LHB: variants seen among roughly 807,000 people sequenced by gnomAD.
LHB encodes lutropin subunit beta.
LHB carries 11 observed loss-of-function variants against 10.6 expected under a neutral mutation model. The ratio of observed to expected loss-of-function variants is 1.04; its 90% CI spans 0.66 to 1.72. The LOEUF is 1.72. LHB is among the 40% of genes most tolerant of loss of function. LHB has a pLI of 0.00. For missense variants in LHB, 184 were observed against 197.3 expected (o/e 0.93, Z 0.41); for synonymous variants, 86 against 83.1 (o/e 1.03, Z -0.19).
chr19:49,017,367 A>AACT (rs2039575034), upstream of LHB: 2 of 1,051,978 alleles, frequency 1.9e-6, no homozygotes, highest in African/African-American at 3.2e-5. Flanking sequence ...CACAGGGAGT[A>AACT]GGGTGTAGGA....
At position 49,016,848 on chromosome 19, in the gene LHB, G is replaced by A. The variant is rs188474494; in HGVS notation, c.16-134C>T. 294 of 1,570,646 alleles carry A rather than the reference G, an allele frequency of 1.9e-4. No individual in the cohort carries two copies. In the African/African-American group the frequency reaches 2.7e-3, roughly 14 times the overall value. The stretch of plus-strand genomic sequence containing the variant: ...ATCTCCTATTCAGGACCCACCACCC[G>A]GACACCTGCCTTTCAGAGCCCACCC... On this transcript the variant is annotated intron_variant, in intron 1 of 2. Transcript: ENST00000649238.
upstream of LHB, chr19:49,017,918 C>A: frequency 2.5e-6 from 1 of 398,346 alleles, no homozygotes; most frequent in South Asian, 1.3e-4. Flanking sequence ...GAGCTCCGCT[C>A]GGCAGCGCGG....
upstream of LHB, chr19:49,019,405 G>C (rs2122686220): frequency 8.0e-7 from 1 of 1,257,072 alleles, no homozygotes; most frequent in Admixed American, 3.9e-5. Context: ...GAATATTCTA[G>C]TCTCCTCCCC....
At chr19:49,019,286 C>T, upstream of LHB, 1 of 1,219,182 alleles carries the variant, frequency 8.2e-7, no homozygotes, top group Non-Finnish European at 1.0e-6. Flanking sequence ...AAACAACCTC[C>T]CTGGTTCCGC....
chr19:49,017,027 G>A (rs776816050), intron 1 of LHB, 40 bp downstream of exon 1: 2 of 1,613,340 alleles, frequency 1.2e-6, no homozygotes, highest in East Asian at 2.2e-5. Flanking sequence ...GTGATGGCCT[G>A]GAAGGAGGTG....
At chr19:49,018,959 C>T (rs1024628074), upstream of LHB, 6 of 1,534,124 alleles carry the variant, frequency 3.9e-6, no homozygotes, top group Middle Eastern at 2.1e-4. Flanking sequence ...CTGTGAAAGG[C>T]CGGCCAGACA....
upstream of LHB, chr19:49,018,248 G>A: frequency 2.3e-6 from 2 of 874,116 alleles, no homozygotes; most frequent in Non-Finnish European, 3.0e-6. Context: ...CGGACAGGGC[G>A]GCCGCTGCGG....
At chr19:49,016,347 T>A in intron 2 of LHB, 37 bp from the exon 3 acceptor site, 2 of 1,606,978 alleles carry the variant, frequency 1.2e-6, no homozygotes, top group Non-Finnish European at 1.7e-6. Flanking sequence ...AGCATGTGCC[T>A]GAGGCCAGCG....
At chr19:49,016,507 CT>C (rs1427591686) in intron 2 of LHB, 39 bp downstream of exon 2, 3 of 1,588,776 alleles carry the variant, frequency 1.9e-6, no homozygotes, top group Non-Finnish European at 1.7e-6. Context: ...GGGTCTGGCC[CT>C]GAGGTGGCAG....
chr19:49,017,766 G>A (rs1466632742), upstream of LHB: 1 of 410,240 alleles, frequency 2.4e-6, no homozygotes, highest in African/African-American at 2.0e-5. Context: ...CAGCCTGCAA[G>A]GACATTATCT....
At position 49,016,015 on chromosome 19, in the gene LHB, G is replaced by A; in HGVS notation, c.*53C>T. ...GAAGCCTTTATTGTGGGAGGATCGG[G>A]GTGTCAGGGCTCCAGGAGTCGGGAT... On this transcript the variant is annotated 3_prime_UTR_variant, in exon 3 of 3. Transcript: ENST00000649238. The A allele has an allele frequency of 3.1e-6, 5 of 1,614,106 alleles. No individual in the cohort carries two copies. The highest frequency in any genetic ancestry group is 1.7e-4 in the Middle Eastern group (1 of 5,982).
rs376247713 is a variant in LHB at position 49,016,700 on chromosome 19, C to T, written c.30G>A (p.Leu10=). Residue 10 remains leucine, a synonymous_variant, in exon 2 of 3, where the codon TTG becomes TTA. Coordinates refer to ENST00000649238, the MANE Select transcript of LHB (RefSeq NM_000894.3). ...ATGCCCCGCCCATGCTCAGCAGCAG[C>T]AACAGCAGCAGCCCCTGGGACAAGG... MEMLQGLLL[L]LLLSMGGAWA... 13 of 1,611,292 alleles carry T rather than the reference C, an allele frequency of 8.1e-6. No individual in the cohort carries two copies. Among genetic ancestry groups the T allele is most frequent in the Non-Finnish European group, 1.1e-5 (13 of 1,179,798 alleles).
chr19:49,019,151 C>T (rs1463920405), upstream of LHB: 2 of 1,412,298 alleles, frequency 1.4e-6, no homozygotes, highest in Non-Finnish European at 1.8e-6. Flanking sequence ...TAGAGCCCTT[C>T]CTGCCACCCA....
chr19:49,019,199 C>A (rs2039599525), upstream of LHB: 3 of 1,399,466 alleles, frequency 2.1e-6, no homozygotes, highest in Non-Finnish European at 2.8e-6. Context: ...ATACCCGAAC[C>A]CTTCCCAGCC....
At chr19:49,018,451 C>G (rs890933698), upstream of LHB, 68 of 652,610 alleles carry the variant, frequency 1.0e-4, no homozygotes, top group African/African-American at 3.8e-4. Flanking sequence ...TCCAGGCGAG[C>G]ACCCCTTAGG....
At chr19:49,019,092 C>G, upstream of LHB, 1 of 1,444,420 alleles carries the variant, frequency 6.9e-7, no homozygotes, top group Middle Eastern at 2.5e-4. Flanking sequence ...CCCTCTCCTT[C>G]GGCCTCGACA....
upstream of LHB, chr19:49,018,996 A>G (rs2039598091): frequency 1.3e-6 from 2 of 1,533,002 alleles, no homozygotes; most frequent in African/African-American, 2.7e-5. Flanking sequence ...CCAGGCAATT[A>G]GAGCCTGAGC....
intron 2 of LHB, 60 bp from the exon 3 acceptor site, chr19:49,016,370 T>A: frequency 6.2e-7 from 1 of 1,603,604 alleles, no homozygotes; most frequent in Non-Finnish European, 8.5e-7. Context: ...TCAGCTGAGC[T>A]CCCAAGCTGA....
At chr19:49,018,642 C>T (rs1215993765), upstream of LHB, among the ~76,000 whole-genome samples, 3 of 152,018 alleles carry the variant, frequency 2.0e-5, no homozygotes, top group Non-Finnish European at 2.9e-5. Flanking sequence ...CCCCTCGAGC[C>T]GCTGTGCAGG....
Sources: allele counts gnomAD v4.1 joint callset (sites outside exome capture counted in the v4.1 genomes callset), GRCh38; gene constraint gnomAD v4.1.1; transcripts MANE v1.5; gene names NCBI Gene and HGNC (gene_info 2026-07-23, HGNC 2026-07-21).